Variants in SUGCT observed in about 807,000 individuals in gnomAD.
The protein encoded by SUGCT is succinyl-CoA:glutarate CoA-transferase.
A neutral mutation model predicts 55.0 loss-of-function variants in SUGCT; 41 were observed. The observed-to-expected ratio is 0.74, with a 90% CI of 0.58 to 0.97. The LOEUF (loss-of-function observed/expected upper bound fraction) is 0.97, where lower values mean the gene tolerates loss of function less well. SUGCT is among the 50% of genes least tolerant of loss of function. The pLI, the probability that SUGCT is intolerant of heterozygous loss-of-function variation, is 0.00. For synonymous variants in SUGCT, 187 were observed against 200.4 expected, an observed-to-expected ratio of 0.93 and a Z score of 0.56; for missense variants, 568 against 547.8, an observed-to-expected ratio of 1.04 and a Z score of -0.37.
intron 6 of SUGCT, among the ~76,000 whole-genome samples, chr7:40,232,376 T>C (rs1037714517): frequency 1.3e-5 from 2 of 152,148 alleles, no homozygotes; most frequent in Non-Finnish European, 2.9e-5. Context: ...TTAACCTGAC[T>C]CTTAACCCAG....
intron 12 of SUGCT, among the ~76,000 whole-genome samples, chr7:40,697,855 C>T (rs1424541909): frequency 6.6e-6 from 1 of 152,210 alleles, no homozygotes; most frequent in Non-Finnish European, 1.5e-5. Flanking sequence ...AGACAGCCAA[C>T]AAGCCTTTTC....
intron 12 of SUGCT, among the ~76,000 whole-genome samples, chr7:40,518,491 A>G (rs937494317): frequency 2.6e-5 from 4 of 152,164 alleles, no homozygotes; most frequent in African/African-American, 9.6e-5. Flanking sequence ...GAATGAACCA[A>G]TGTCAACTCA....
intron 13 of SUGCT, among the ~76,000 whole-genome samples, chr7:40,776,981 T>G (rs17530234): frequency 0.1 from 15,722 of 152,248 alleles, 844 homozygotes; most frequent in Middle Eastern, 0.17. Context: ...GGAAGCTGTT[T>G]GAAACATTAA....
chr7:40,427,503 T>A (rs1787649032), intron 9 of SUGCT, among the ~76,000 whole-genome samples: 1 of 152,186 alleles, frequency 6.6e-6, no homozygotes, highest in African/African-American at 2.4e-5. Flanking sequence ...ACTTTAATTG[T>A]TAAATAGTTG....
chr7:40,245,674 G>T (rs1056524184), intron 7 of SUGCT, among the ~76,000 whole-genome samples: 2 of 149,778 alleles, frequency 1.3e-5, no homozygotes, highest in South Asian at 2.1e-4. Flanking sequence ...TCCTGACCTC[G>T]TGATCCACCT....
chr7:40,683,566 A>G (rs1784344658), intron 12 of SUGCT, among the ~76,000 whole-genome samples: 1 of 152,244 alleles, frequency 6.6e-6, no homozygotes, highest in South Asian at 2.1e-4. Context: ...GGGAATCTTC[A>G]GACTTCTTGG....
the SUGCT span, among the ~76,000 whole-genome samples, chr7:40,987,622 T>C: frequency 2.6e-5 from 4 of 152,144 alleles, no homozygotes; most frequent in Non-Finnish European, 5.9e-5. Flanking sequence ...GTGAAAAACA[T>C]CTGGGTTTTA....
At chr7:40,709,087 G>A (rs898833226) in intron 12 of SUGCT, among the ~76,000 whole-genome samples, 5 of 152,172 alleles carry the variant, frequency 3.3e-5, no homozygotes, top group Non-Finnish European at 5.9e-5. Flanking sequence ...CTTATTCACT[G>A]TCAGGAATTA....
At chr7:40,533,509 CAT>C (rs1193957116) in intron 12 of SUGCT, among the ~76,000 whole-genome samples, 3 of 151,888 alleles carry the variant, frequency 2.0e-5, no homozygotes, top group African/African-American at 7.2e-5. Context: ...ATATTTTTGA[CAT>C]ATTTTCCACA....
chr7:40,966,800 A>G, the SUGCT span: 2 of 152,348 alleles, frequency 1.3e-5, no homozygotes, highest in African/African-American at 4.8e-5. Context: ...CAAATTGCCT[A>G]AAGTGACTTA....
At chr7:40,879,821 C>T in the SUGCT span, among the ~76,000 whole-genome samples, 1 of 152,282 alleles carries the variant, frequency 6.6e-6, no homozygotes, top group South Asian at 2.1e-4. Context: ...TTCTGGGACC[C>T]AGGCTATTTG....
chr7:40,994,823 A>T, the SUGCT span, among the ~76,000 whole-genome samples: 2 of 152,086 alleles, frequency 1.3e-5, no homozygotes, highest in Non-Finnish European at 2.9e-5. Context: ...TTCACGCCAG[A>T]TCTGGTTGTT....
intron 12 of SUGCT, among the ~76,000 whole-genome samples, chr7:40,560,651 A>G (rs1240079916): frequency 2.0e-5 from 3 of 152,142 alleles, no homozygotes; most frequent in Non-Finnish European, 2.9e-5. Context: ...CAACCCTCCA[A>G]ATTTCACTGT....
chr7:40,309,475 A>G (rs1254167571), intron 8 of SUGCT, among the ~76,000 whole-genome samples: 1 of 152,058 alleles, frequency 6.6e-6, no homozygotes, highest in Non-Finnish European at 1.5e-5. Flanking sequence ...TTGTATTTTT[A>G]GTAGAGATGG....
chr7:40,718,933 A>C (rs1216738315), intron 12 of SUGCT, among the ~76,000 whole-genome samples: 1 of 152,244 alleles, frequency 6.6e-6, no homozygotes, highest in Non-Finnish European at 1.5e-5. Context: ...AGACCACTTA[A>C]AAAAGGTAAC....
At chr7:40,609,507 C>T (rs1310478371) in intron 12 of SUGCT, among the ~76,000 whole-genome samples, 1 of 141,264 alleles carries the variant, frequency 7.1e-6, no homozygotes, top group Admixed American at 7.5e-5. Flanking sequence ...GTGGAGCTTA[C>T]AGTAAGCAGA....
chr7:40,739,586 A>G (rs989133122), intron 12 of SUGCT, among the ~76,000 whole-genome samples: 3 of 151,926 alleles, frequency 2.0e-5, no homozygotes, highest in Non-Finnish European at 4.4e-5. Flanking sequence ...AATTTTTTAC[A>G]ATGTGAGCTT....
intron 13 of SUGCT, among the ~76,000 whole-genome samples, chr7:40,794,895 T>A (rs966491703): frequency 1.3e-5 from 2 of 152,144 alleles, no homozygotes; most frequent in Non-Finnish European, 2.9e-5. Flanking sequence ...CTTCAATTTT[T>A]ATTTCATGCC....
chr7:40,536,601 T>A (rs190385180), intron 12 of SUGCT, among the ~76,000 whole-genome samples: 14 of 152,348 alleles, frequency 9.2e-5, no homozygotes, highest in Non-Finnish European at 1.8e-4. Context: ...TGAGTCCCAA[T>A]AATTTAACAA....
Sources: allele counts gnomAD v4.1 joint callset (sites outside exome capture counted in the v4.1 genomes callset), GRCh38; gene constraint gnomAD v4.1.1; transcripts MANE v1.5; gene names NCBI Gene and HGNC (gene_info 2026-07-23, HGNC 2026-07-21).